GALNT2: variants seen among roughly 807,000 people sequenced by gnomAD.
The protein encoded by GALNT2 is UDP-GalNAc:polypeptide N-acetylgalactosaminyltransferase 2.
In GALNT2, 31 loss-of-function variants were observed where a neutral mutation model predicts 81.4. The ratio of observed to expected loss-of-function variants is 0.38; its 90% CI spans 0.29 to 0.51. GALNT2 has a LOEUF of 0.51. Among genes scored for constraint, GALNT2 ranks in the 20% least tolerant of loss-of-function variants. The pLI, the probability that GALNT2 is intolerant of heterozygous loss-of-function variation, is 0.87. For synonymous variants in GALNT2, 303 were observed against 287.4 expected, an observed-to-expected ratio of 1.05 and a Z score of -0.55; for missense variants, 629 against 765.7, an observed-to-expected ratio of 0.82 and a Z score of 2.11.
intron 2 of GALNT2, among the ~76,000 whole-genome samples, chr1:230,180,292 G>T (rs1663116136): frequency 7.3e-6 from 1 of 136,564 alleles, no homozygotes; most frequent in African/African-American, 2.8e-5. Context: ...GCTGTGTCTA[G>T]GTTCTTTTTT....
intron 1 of GALNT2, among the ~76,000 whole-genome samples, chr1:230,061,994 A>G (rs1040180549): frequency 2.0e-5 from 3 of 152,232 alleles, no homozygotes; most frequent in African/African-American, 7.2e-5. Flanking sequence ...TTAACAAAAT[A>G]TCCTGGATAT....
chr1:230,083,353 G>T (rs144418501), intron 1 of GALNT2, among the ~76,000 whole-genome samples: 1 of 147,880 alleles, frequency 6.8e-6, no homozygotes, highest in East Asian at 2.0e-4. Flanking sequence ...GCCGGGATGA[G>T]GGAGCAGGCA....
At chr1:230,112,799 G>GT (rs1453201535) in intron 1 of GALNT2, among the ~76,000 whole-genome samples, 3 of 143,356 alleles carry the variant, frequency 2.1e-5, no homozygotes, top group Non-Finnish European at 4.7e-5. Flanking sequence ...TGGCAGGGGG[G>GT]TGGGGGGGAC....
At chr1:230,197,046 GTCTGGACTATTCC>G (rs1290147947) in intron 2 of GALNT2, among the ~76,000 whole-genome samples, 1 of 152,052 alleles carries the variant, frequency 6.6e-6, no homozygotes, top group African/African-American at 2.4e-5. Flanking sequence ...AGTGGGCTGT[GTCTGGACTATTCC>G]TCTTTCAAGC....
rs371931492 is a variant in GALNT2, at chr1:230,279,990, G to C, written c.*532G>C. The C allele has an allele frequency of 4.4e-4, 199 of 456,164 alleles. 1 individual carries two copies. Among genetic ancestry groups the C allele is most frequent in the Admixed American group, 9.9e-4 (42 of 42,566 alleles). The allele number at this position is 456,164 out of a possible 1,614,324, so 28.3% of individuals were successfully genotyped here. A position where few individuals can be genotyped will look rare whatever the true frequency, so the allele number is the denominator to read the frequency against. On this transcript the variant is annotated 3_prime_UTR_variant, in exon 16 of 16. Coordinates refer to ENST00000366672, the MANE Select transcript of GALNT2 (RefSeq NM_004481.5). The surrounding 1 kb of genome is among the most constrained non-coding windows in gnomAD (Gnocchi z 4.6). ...CCTCCATTCGCAAGTGTCTTCCTGG[G>C]CCAGACTCCCCTCCACCTCATGTAC...
chr1:230,256,931 T>TA (rs1386876868), intron 11 of GALNT2, among the ~76,000 whole-genome samples: 5 of 152,092 alleles, frequency 3.3e-5, no homozygotes, highest in African/African-American at 1.2e-4. Context: ...GAGGAGGTGT[T>TA]ATGTGAGTTC....
upstream of GALNT2, among the ~76,000 whole-genome samples, chr1:230,065,885 C>T (rs992911755): frequency 2.6e-5 from 4 of 152,174 alleles, no homozygotes; most frequent in Admixed American, 1.3e-4. Context: ...AGCCTCTCAC[C>T]TCTTGTCCCA....
intron 14 of GALNT2, among the ~76,000 whole-genome samples, chr1:230,267,464 G>A (rs2102770193): frequency 6.6e-6 from 1 of 152,324 alleles, no homozygotes; most frequent in East Asian, 1.9e-4. Context: ...TGGCAGGACT[G>A]CATGCCATTC....
At chr1:230,194,989 A>G (rs1444283253) in intron 2 of GALNT2, among the ~76,000 whole-genome samples, 1 of 152,216 alleles carries the variant, frequency 6.6e-6, no homozygotes, top group African/African-American at 2.4e-5. Context: ...GCCCGTTCCC[A>G]TTGGGCCTCC....
At chr1:230,124,095 C>T (rs533983300) in intron 1 of GALNT2, among the ~76,000 whole-genome samples, 2 of 152,250 alleles carry the variant, frequency 1.3e-5, no homozygotes, top group South Asian at 2.1e-4. Flanking sequence ...AAACCAGTCA[C>T]GTGCCTGGCT....
At chr1:230,086,756 GC>G (rs1186215412) in intron 1 of GALNT2, among the ~76,000 whole-genome samples, 1 of 152,178 alleles carries the variant, frequency 6.6e-6, no homozygotes, top group African/African-American at 2.4e-5. Context: ...TCGGGGCACA[GC>G]CCTTTGTACT....
rs61823276 is a variant in GALNT2 at position 230,217,041 on chromosome 1, C to T, written c.374+13751C>T. ...AAAGATTTGAGTGCTAACTACATGA[C>T]AGGTGTTTTTCTGGTCACTGGGGAA... is the stretch of plus-strand genomic sequence containing the variant. On this transcript the variant is annotated intron_variant, in intron 3 of 15. Transcript: ENST00000366672. 2.5e-3 allele frequency among the ~76,000 whole-genome samples: 373 copies of T among 152,056 alleles called. 1 individual carries two copies. The highest frequency in any genetic ancestry group is 6.9e-3 in the Middle Eastern group (2 of 290).
chr1:230,071,493 T>A (rs1377507223), intron 1 of GALNT2, among the ~76,000 whole-genome samples: 2 of 152,170 alleles, frequency 1.3e-5, no homozygotes, highest in Non-Finnish European at 2.9e-5. Flanking sequence ...GATCCCAGGT[T>A]CTGAGCTCCA....
intron 1 of GALNT2, among the ~76,000 whole-genome samples, chr1:230,137,849 A>C (rs1408944951): frequency 1.3e-5 from 2 of 152,212 alleles, no homozygotes; most frequent in Non-Finnish European, 2.9e-5. Flanking sequence ...AGTGAAATAT[A>C]TTCTCCTTTG....
intron 1 of GALNT2, among the ~76,000 whole-genome samples, chr1:230,142,602 A>G (rs1661780911): frequency 6.6e-6 from 1 of 152,192 alleles, no homozygotes; most frequent in Non-Finnish European, 1.5e-5. Flanking sequence ...TAGTACGTGC[A>G]TAGTAAGCAC....
intron 1 of GALNT2, among the ~76,000 whole-genome samples, chr1:230,095,943 A>G (rs1271114506): frequency 6.6e-6 from 1 of 152,244 alleles, no homozygotes; most frequent in African/African-American, 2.4e-5. Flanking sequence ...CTGTGGTCTC[A>G]CCATGGGACA....
At chr1:230,129,022 C>A (rs558020839) in intron 1 of GALNT2, among the ~76,000 whole-genome samples, 2 of 152,368 alleles carry the variant, frequency 1.3e-5, no homozygotes, top group African/African-American at 4.8e-5. Context: ...GAAGCACACA[C>A]CCTGCTTTTA....
chr1:230,125,090 C>T (rs141611080), intron 1 of GALNT2, among the ~76,000 whole-genome samples: 9 of 152,344 alleles, frequency 5.9e-5, no homozygotes, highest in Non-Finnish European at 1.0e-4. Flanking sequence ...CTCCGCTAAG[C>T]GGTTGTTCTC....
chr1:230,226,666 GGGGCC>G (rs1664722568), intron 3 of GALNT2, among the ~76,000 whole-genome samples: 2 of 152,216 alleles, frequency 1.3e-5, no homozygotes, highest in South Asian at 2.1e-4. Flanking sequence ...CTCAGAGGCA[GGGGCC>G]TCGCCACTCT....
Sources: allele counts gnomAD v4.1 joint callset (sites outside exome capture counted in the v4.1 genomes callset), GRCh38; gene constraint gnomAD v4.1.1; non-coding constraint Gnocchi (gnomAD v3.1); transcripts MANE v1.5; gene names NCBI Gene and HGNC (gene_info 2026-07-23, HGNC 2026-07-21).